Variants in MYO1E observed in about 807,000 individuals in gnomAD.
MYO1E encodes myosin IE, also known as unconventional myosin-Ie.
A neutral mutation model predicts 151.1 loss-of-function variants in MYO1E; 68 were observed. The observed-to-expected ratio is 0.45, with a 90% confidence interval of 0.37 to 0.55. MYO1E has a LOEUF of 0.55. MYO1E is among the 20% of genes least tolerant of loss of function. The pLI is 0.00. For synonymous variants in MYO1E, 601 were observed against 501.7 expected (o/e 1.20, Z -2.64); for missense variants, 1,363 against 1,389.3 (o/e 0.98, Z 0.30).
intron 1 of MYO1E, among the ~76,000 whole-genome samples, chr15:59,337,944 C>T (rs2080739568): frequency 6.6e-6 from 1 of 152,200 alleles, no homozygotes; most frequent in Non-Finnish European, 1.5e-5. Flanking sequence ...CCATACATTT[C>T]CCTGTCCATG....
intron 1 of MYO1E, among the ~76,000 whole-genome samples, chr15:59,300,953 T>C (rs555895694): frequency 5.3e-5 from 8 of 149,970 alleles, no homozygotes; most frequent in Non-Finnish European, 7.4e-5. Flanking sequence ...TTGCAACCTC[T>C]GCCTCCCATG....
chr15:59,255,406 T>A (rs1222481101), intron 4 of MYO1E, among the ~76,000 whole-genome samples: 2 of 151,792 alleles, frequency 1.3e-5, no homozygotes, highest in African/African-American at 4.9e-5. Flanking sequence ...TTTTATTATT[T>A]TTTTTCAAGA....
At position 59,350,495 on chromosome 15, in the gene MYO1E, T is replaced by A. The variant is rs1326417607; in HGVS notation, c.3+22003A>T. Among the ~76,000 whole-genome samples, 1 of 152,190 alleles carries A rather than the reference T, an allele frequency of 6.6e-6. No individual in the cohort carries two copies. The highest frequency in any genetic ancestry group is 2.4e-5 in the African/African-American group (1 of 41,444). On this transcript the variant is annotated intron_variant, in intron 1 of 27. Transcript: ENST00000288235. The surrounding 1 kb of genome is among the most constrained non-coding windows in gnomAD (Gnocchi z 5.0). ...CCAGAAAAGACACAGGAGAATGTAG[T>A]GTCTGCCCTCAGAGACTACATGCAT... is the stretch of plus-strand genomic sequence containing the variant.
chr15:59,367,944 AC>A (rs1455936227), intron 1 of MYO1E, among the ~76,000 whole-genome samples: 12 of 152,074 alleles, frequency 7.9e-5, no homozygotes, highest in African/African-American at 2.9e-4. Context: ...ACATGGTAAA[AC>A]CCTGTCTCTA....
Position 59,224,763 on chromosome 15 carries a change from A to C in MYO1E, c.703T>G (p.Tyr235Asp), listed in dbSNP as rs777954602. 4 of 1,614,180 alleles carry C rather than the reference A, an allele frequency of 2.5e-6. No homozygotes were observed. The highest frequency in any genetic ancestry group is 2.2e-5 in the South Asian group (2 of 91,084). ...GAGCCCGAGAGGCTCAGGTAGTAAT[A>C]ATAGTCCATGCTGGTGATGCCAAGG... ...HSLGITSMDY[Y>D]YYLSLSGSYK... The change falls in exon 8 of 28, where the codon TAT (tyrosine) becomes GAT (aspartate). Residue 235 changes from tyrosine to aspartate, a missense_variant. By Grantham distance (160) the Tyr-to-Asp change is radical. Coordinates refer to ENST00000288235, the MANE Select transcript of MYO1E (RefSeq NM_004998.4).
chr15:59,325,722 GC>G (rs2080659490), intron 1 of MYO1E, among the ~76,000 whole-genome samples: 1 of 152,058 alleles, frequency 6.6e-6, no homozygotes, highest in Admixed American at 6.6e-5. Flanking sequence ...CCATCCACTG[GC>G]CCAGGCTGGG....
chr15:59,328,385 C>T lies in MYO1E; in HGVS notation c.3+44113G>A, dbSNP rs541309970. 3.5e-4 allele frequency among the ~76,000 whole-genome samples: 54 copies of T among 152,116 alleles called. No individual in the cohort carries two copies. In the South Asian group the frequency reaches 0.011, roughly 31 times the overall value. Reference sequence around the variant, plus strand: ...TCAAGACTTCTGAAAAGGAACCCACCTTCATTGGGGTGGCAAATTGACCAG... The same window carrying T: ...TCAAGACTTCTGAAAAGGAACCCACTTTCATTGGGGTGGCAAATTGACCAG... On this transcript the variant is annotated intron_variant, in intron 1 of 27. Coordinates refer to ENST00000288235, the MANE Select transcript of MYO1E (RefSeq NM_004998.4).
intron 2 of MYO1E, 140 bp downstream of exon 2, chr15:59,272,166 G>C: frequency 2.2e-6 from 2 of 891,090 alleles, no homozygotes; most frequent in South Asian, 1.4e-5. Context: ...GTGTTGCCAG[G>C]ATGGTCTGGA....
rs73422973 is a variant in MYO1E at position 59,224,827 on chromosome 15, G to A, written c.643-4C>T. On this transcript the variant is annotated splice_region_variant and splice_polypyrimidine_tract_variant and intron_variant, in intron 7 of 27. Transcript: ENST00000288235. ...CTGCAGAGGCGCCCTCGATGAGCTG[G>A]AGCAAGAGAACACAGGTTGAGCCAT... 2,701 of 1,614,174 alleles carry A rather than the reference G, an allele frequency of 1.7e-3. 40 individuals are homozygous for A. The African/African-American group carries it at 0.033, about 20-fold the overall frequency.
intron 1 of MYO1E, among the ~76,000 whole-genome samples, chr15:59,336,356 G>A (rs375753612): frequency 6.6e-6 from 1 of 151,980 alleles, no homozygotes; most frequent in Admixed American, 6.6e-5. Flanking sequence ...GGTGATGGGA[G>A]TGAAACGCTG....
At chr15:59,269,518 T>A (rs893636661) in intron 2 of MYO1E, among the ~76,000 whole-genome samples, 11 of 152,164 alleles carry the variant, frequency 7.2e-5, no homozygotes, top group African/African-American at 2.4e-4. Context: ...TTTGACCAAA[T>A]AAAATAAAAA....
chr15:59,218,832 G>T (rs1332068493), intron 9 of MYO1E, among the ~76,000 whole-genome samples: 2 of 152,214 alleles, frequency 1.3e-5, no homozygotes, highest in Non-Finnish European at 2.9e-5. Flanking sequence ...GAGAGGAGAA[G>T]GGAGTGTACC....
chr15:59,261,328 A>G (rs1596389354), intron 3 of MYO1E, 92 bp downstream of exon 3: 1 of 786,640 alleles, frequency 1.3e-6, no homozygotes, highest in Non-Finnish European at 2.1e-6. Flanking sequence ...TCATAATAGA[A>G]AAGTGCAAAA....
chr15:59,342,990 T>C (rs2080774243), intron 1 of MYO1E, among the ~76,000 whole-genome samples: 1 of 152,150 alleles, frequency 6.6e-6, no homozygotes, highest in Admixed American at 6.5e-5. Context: ...AAGTTATTAT[T>C]TTTTATGGGT....
chr15:59,235,982 T>G (rs1205458393), intron 5 of MYO1E, among the ~76,000 whole-genome samples: 2 of 152,196 alleles, frequency 1.3e-5, no homozygotes, highest in African/African-American at 4.8e-5. Context: ...TGAGTTGTCT[T>G]TCATGTCCTT....
intron 1 of MYO1E, among the ~76,000 whole-genome samples, chr15:59,297,645 G>A (rs577551393): frequency 7.9e-5 from 12 of 151,758 alleles, no homozygotes; most frequent in Admixed American, 1.3e-4. Context: ...ACAGTGGTGC[G>A]ATGAGGGCTC....
At chr15:59,319,538 A>G (rs2080611405) in intron 1 of MYO1E, among the ~76,000 whole-genome samples, 1 of 131,298 alleles carries the variant, frequency 7.6e-6, no homozygotes, top group African/African-American at 2.9e-5. Flanking sequence ...ATAGGAAAAG[A>G]AGTCAAACTA....
In MYO1E at chr15:59,209,821, T is replaced by C. The variant is rs1394055109; in HGVS notation, c.1362+693A>G. ...CACTTTTATTTTGAATCACCTTTTTTTTTTTTTTTTTTTTTTTTTTTTTTT... is the reference window on the plus strand; with the variant it reads ...CACTTTTATTTTGAATCACCTTTTTCTTTTTTTTTTTTTTTTTTTTTTTTT... On this transcript the variant is annotated intron_variant, in intron 13 of 27. Coordinates refer to ENST00000288235, the MANE Select transcript of MYO1E (RefSeq NM_004998.4). Among the ~76,000 whole-genome samples, 266 of 86,834 alleles carry C rather than the reference T, an allele frequency of 3.1e-3. 16 individuals are homozygous for C. The highest frequency in any genetic ancestry group is 0.015 in the African/African-American group (244 of 16,446). 57.0% of individuals were successfully genotyped at this position (86,834 alleles called of 152,430 possible). A position where few individuals can be genotyped will look rare whatever the true frequency, so the allele number is the denominator to read the frequency against.
chr15:59,168,913 C>T (rs207475533), intron 22 of MYO1E, among the ~76,000 whole-genome samples: 5 of 152,158 alleles, frequency 3.3e-5, no homozygotes, highest in African/African-American at 4.8e-5. Flanking sequence ...TGGGTCACTG[C>T]GCTCAGCCTT....
Sources: allele counts gnomAD v4.1 joint callset (sites outside exome capture counted in the v4.1 genomes callset), GRCh38; gene constraint gnomAD v4.1.1; non-coding constraint Gnocchi (gnomAD v3.1); transcripts MANE v1.5; gene names NCBI Gene and HGNC (gene_info 2026-07-23, HGNC 2026-07-21).